Variants in OSBPL10 observed in about 807,000 individuals in gnomAD.
The protein encoded by OSBPL10 is oxysterol binding protein like 10, also known as oxysterol-binding protein-related protein 10.
A neutral mutation model predicts 81.7 loss-of-function variants in OSBPL10; 49 were observed. That is an observed-to-expected ratio of 0.60 (90% confidence interval 0.48 to 0.76). The LOEUF (loss-of-function observed/expected upper bound fraction) is 0.76, where lower values mean the gene tolerates loss of function less well. OSBPL10 is among the 30% of genes least tolerant of loss of function. The pLI is 0.00. For synonymous variants in OSBPL10, 419 were observed against 383.6 expected, an observed-to-expected ratio of 1.09 and a Z score of -1.08; for missense variants, 923 against 987.8, an observed-to-expected ratio of 0.93 and a Z score of 0.88.
At chr3:32,074,323 C>T (rs770309420) in intron 1 of OSBPL10, among the ~76,000 whole-genome samples, 29 of 152,146 alleles carry the variant, frequency 1.9e-4, no homozygotes, top group Non-Finnish European at 3.2e-4. Context: ...CTGCTAACCA[C>T]GCAAACAACT....
intron 4 of OSBPL10, among the ~76,000 whole-genome samples, chr3:31,812,718 AAAAGAAAGAAAGAAAGAAAGAAAG>A (rs140026828): frequency 0.012 from 495 of 41,762 alleles, 3 homozygotes; most frequent in Admixed American, 0.015. Flanking sequence ...TAGGCAAAAA[AAAAGAAAGAAAGAAAGAAAGAAAG>A]AAAGAAAGAA....
At chr3:31,757,864 C>T (rs1343165249) in intron 4 of OSBPL10, among the ~76,000 whole-genome samples, 2 of 152,114 alleles carry the variant, frequency 1.3e-5, no homozygotes, top group African/African-American at 2.4e-5. Flanking sequence ...CCAGAATATG[C>T]CTCCCTAAAA....
chr3:31,879,237 T>C (rs1422364338), intron 2 of OSBPL10, among the ~76,000 whole-genome samples: 1 of 152,136 alleles, frequency 6.6e-6, no homozygotes, highest in Non-Finnish European at 1.5e-5. Context: ...AAGGGGCACT[T>C]TACTAAGAAA....
At chr3:31,981,288 A>C, upstream of OSBPL10, 1 of 1,287,100 alleles carries the variant, frequency 7.8e-7, no homozygotes, top group Non-Finnish European at 9.8e-7. This position sits in a 1 kb window ranked among gnomAD's most constrained non-coding sequence, Gnocchi z 4.5. Context: ...GCCTGCTCCA[A>C]ATCCCCGGGA....
rs200269865 is a variant in OSBPL10, at chr3:31,683,621, C to A, written c.1726+13G>T. On this transcript the variant is annotated intron_variant, in intron 8 of 11. Coordinates refer to ENST00000396556, the MANE Select transcript of OSBPL10 (RefSeq NM_017784.5). ...TGTGTAAGAGCCAAACTCCAACATA[C>A]GACATGGCTTACCTTCCCCTATCAT... 1 of 1,602,266 alleles carries A rather than the reference C, an allele frequency of 6.2e-7. No individual in the cohort carries two copies. The highest frequency in any genetic ancestry group is 8.5e-7 in the Non-Finnish European group (1 of 1,170,934).
intron 1 of OSBPL10, among the ~76,000 whole-genome samples, chr3:31,969,076 G>T (rs1429355393): frequency 6.6e-6 from 1 of 152,188 alleles, no homozygotes; most frequent in Admixed American, 6.5e-5. Flanking sequence ...GGTTAGCCAA[G>T]GGGATCAAGA....
chr3:31,851,440 A>G (rs1029010297), intron 3 of OSBPL10, among the ~76,000 whole-genome samples: 3 of 152,128 alleles, frequency 2.0e-5, no homozygotes, highest in African/African-American at 7.2e-5. Flanking sequence ...CTCTCCCCGC[A>G]TCTGCCCACA....
rs74657729 is a variant in OSBPL10, at chr3:31,684,083, C to G, written c.1277G>C (p.Arg426Pro). The change falls in exon 8 of 12, where the codon CGA (arginine) becomes CCA (proline). Residue 426 changes from arginine to proline, a missense_variant. By Grantham distance (103) the Arg-to-Pro change is moderately radical. This residue lies in a region of OSBPL10 where 22 missense variants were observed against 43.4 expected (regional missense o/e 0.51). Coordinates refer to ENST00000396556, the MANE Select transcript of OSBPL10 (RefSeq NM_017784.5). ...ATCTGCATACATCTCCAGCAAAGAT[C>G]GCTTCTCCAGGATAAAGGTGGGAAG... ...VVLPTFILEK[R>P]SLLEMYADFM... is the part of the protein sequence containing the mutation. 1 of 1,613,926 alleles carries G rather than the reference C, an allele frequency of 6.2e-7. No homozygotes were observed. The highest frequency in any genetic ancestry group is 1.7e-5 in the Admixed American group (1 of 60,010).
At chr3:32,047,219 C>G (rs1699631254) in intron 1 of OSBPL10, among the ~76,000 whole-genome samples, 3 of 152,088 alleles carry the variant, frequency 2.0e-5, no homozygotes, top group Non-Finnish European at 4.4e-5. Flanking sequence ...TCAAGCTATC[C>G]ACTCTCCTCA....
At chr3:31,870,971 G>A (rs927213021) in intron 3 of OSBPL10, among the ~76,000 whole-genome samples, 4 of 152,128 alleles carry the variant, frequency 2.6e-5, no homozygotes, top group African/African-American at 7.2e-5. Context: ...GGGAGGTGGA[G>A]AACCTTTGTG....
intron 1 of OSBPL10, among the ~76,000 whole-genome samples, chr3:31,929,656 G>T (rs1269558083): frequency 1.2e-4 from 18 of 151,748 alleles, no homozygotes; most frequent in Non-Finnish European, 2.9e-5. Context: ...GCTGAGGCAG[G>T]AGAATGGCGT....
chr3:31,828,319 T>C (rs1216584004), intron 4 of OSBPL10, among the ~76,000 whole-genome samples: 1 of 152,038 alleles, frequency 6.6e-6, no homozygotes, highest in African/African-American at 2.4e-5. Context: ...GTGGGGGAAA[T>C]AAAAACAGAT....
intron 5 of OSBPL10, among the ~76,000 whole-genome samples, chr3:31,736,115 T>G (rs1203335424): frequency 2.0e-5 from 3 of 150,976 alleles, no homozygotes; most frequent in African/African-American, 7.3e-5. Context: ...GGTTGGAGAG[T>G]GGATGGGAGG....
rs558448308 is a variant in OSBPL10 at position 31,971,164 on chromosome 3, G to C, written c.281+9735C>G. Among the ~76,000 whole-genome samples, 245 of 126,118 alleles carry C rather than the reference G, an allele frequency of 1.9e-3. 1 individual carries two copies. Among genetic ancestry groups the C allele is most frequent in the South Asian group, 0.017 (67 of 4,044 alleles). The allele number at this position is 126,118 out of a possible 152,430, so 82.7% of individuals were successfully genotyped here. A position where few individuals can be genotyped will look rare whatever the true frequency, so the allele number is the denominator to read the frequency against. ...CTTTTTTTTTTTTTTTTTTTGAGCT[G>C]GAGTCTTGCTCTGTCGCCCAGGCTG... On this transcript the variant is annotated intron_variant, in intron 1 of 11. Transcript: ENST00000396556.
chr3:31,935,339 C>T (rs1157165159), intron 1 of OSBPL10, among the ~76,000 whole-genome samples: 1 of 152,004 alleles, frequency 6.6e-6, no homozygotes, highest in African/African-American at 2.4e-5. Flanking sequence ...GAGAACTGTG[C>T]AGTAAATAAA....
chr3:31,859,705 T>C (rs1701013940), intron 3 of OSBPL10, among the ~76,000 whole-genome samples: 1 of 152,214 alleles, frequency 6.6e-6, no homozygotes, highest in African/African-American at 2.4e-5. Context: ...GTCATCATCA[T>C]CCCAAAATGA....
chr3:31,843,168 G>T (rs1420180484), intron 3 of OSBPL10, among the ~76,000 whole-genome samples: 2 of 152,198 alleles, frequency 1.3e-5, no homozygotes, highest in Non-Finnish European at 2.9e-5. Context: ...AGCCTGTTTG[G>T]AAAGTCCACA....
chr3:31,672,794 T>C (rs1700359590), intron 8 of OSBPL10, among the ~76,000 whole-genome samples: 1 of 151,992 alleles, frequency 6.6e-6, no homozygotes, highest in South Asian at 2.1e-4. Context: ...TCCCTCCCAG[T>C]GTGGAGGGAT....
chr3:32,069,420 C>T (rs1007281148), intron 1 of OSBPL10, among the ~76,000 whole-genome samples: 5 of 152,038 alleles, frequency 3.3e-5, no homozygotes, highest in African/African-American at 1.2e-4. Flanking sequence ...TACATGGTTT[C>T]CTGCCTAGTT....
Sources: gnomAD v4.1 joint callset for allele counts (sites outside exome capture counted in the v4.1 genomes callset) on GRCh38, gnomAD v4.1.1 for gene constraint, gnomAD v4.1.1 regional missense constraint, Gnocchi (gnomAD v3.1) non-coding constraint, MANE v1.5 for transcripts, NCBI Gene and HGNC (gene_info 2026-07-23, HGNC 2026-07-21) for gene names.